The following PTPRT variants were observed in gnomAD, a reference collection of about 807,000 sequenced individuals.
PTPRT encodes protein tyrosine phosphatase receptor type T.
Under a neutral mutation model 176.8 loss-of-function variants are expected in PTPRT, and 56 were observed. The ratio of observed to expected loss-of-function variants is 0.32; its 90% CI spans 0.26 to 0.40. The LOEUF is 0.40. Among genes scored for constraint, PTPRT ranks in the 10% least tolerant of loss-of-function variants. The probability of loss-of-function intolerance (pLI) is 1.00; values close to 1 mark genes in which losing one functional copy is unlikely to be tolerated. For missense variants in PTPRT, 1,540 were observed against 1,908.2 expected, an observed-to-expected ratio of 0.81 and a Z score of 3.60; for synonymous variants, 783 against 739.0, an observed-to-expected ratio of 1.06 and a Z score of -0.96.
chr20:42,475,511 T>G (rs2145305730), intron 7 of PTPRT, among the ~76,000 whole-genome samples: 1 of 152,106 alleles, frequency 6.6e-6, no homozygotes, highest in African/African-American at 2.4e-5. Context: ...AAACCTGTGT[T>G]TTCTCAGCAC....
chr20:42,587,913 G>T (rs2073499867), intron 7 of PTPRT, among the ~76,000 whole-genome samples: 1 of 152,144 alleles, frequency 6.6e-6, no homozygotes, highest in Non-Finnish European at 1.5e-5. Flanking sequence ...CATCAAATTA[G>T]ATGCCTTCTG....
chr20:42,817,846 G>A (rs1282784975), intron 2 of PTPRT, among the ~76,000 whole-genome samples: 2 of 152,184 alleles, frequency 1.3e-5, no homozygotes, highest in African/African-American at 2.4e-5. Flanking sequence ...ACTCCAGCTA[G>A]AGGCTCAAGG....
intron 9 of PTPRT, among the ~76,000 whole-genome samples, chr20:42,447,411 G>C (rs551623658): frequency 1.3e-5 from 2 of 151,664 alleles, no homozygotes; most frequent in Non-Finnish European, 2.9e-5. Context: ...TTCCAGCTTC[G>C]GTATCCATGC....
chr20:43,169,604 ACT>A (rs2014945085), intron 1 of PTPRT, among the ~76,000 whole-genome samples: 1 of 152,130 alleles, frequency 6.6e-6, no homozygotes, highest in African/African-American at 2.4e-5. Flanking sequence ...CATGCTGTCA[ACT>A]CTCTGCACAA....
At chr20:42,982,133 A>G (rs1051366400) in intron 1 of PTPRT, among the ~76,000 whole-genome samples, 1 of 152,204 alleles carries the variant, frequency 6.6e-6, no homozygotes, top group African/African-American at 2.4e-5. Context: ...AGTTTCACGC[A>G]TTCCTGGAAG....
intron 7 of PTPRT, among the ~76,000 whole-genome samples, chr20:42,626,649 A>G (rs1201602234): frequency 6.6e-6 from 1 of 152,166 alleles, no homozygotes; most frequent in Non-Finnish European, 1.5e-5. Flanking sequence ...GTCAGAGAGG[A>G]CCTACATTCA....
rs550922991 is a variant in PTPRT, at chr20:42,407,159, C to A, written c.1560+41061G>T. On this transcript the variant is annotated intron_variant, in intron 9 of 30. Coordinates refer to ENST00000373187, the MANE Select transcript of PTPRT (RefSeq NM_007050.6). ...GATGCAATAAAATATTTTCTGGGAG[C>A]CCTAGGAATCCCTATCTCTTCCTCT... Among the ~76,000 whole-genome samples the A allele has an allele frequency of 2.9e-4, 44 of 152,016 alleles. 1 individual carries two copies. Among genetic ancestry groups the A allele is most frequent in the Non-Finnish European group, 6.2e-4 (42 of 67,958 alleles).
chr20:42,399,625 T>C lies in PTPRT; in HGVS notation c.1561-47340A>G, dbSNP rs1279531011. Among the ~76,000 whole-genome samples, 4 of 152,236 alleles carry C rather than the reference T, an allele frequency of 2.6e-5. No homozygotes were observed. In the East Asian group the frequency reaches 7.7e-4, roughly 29 times the overall value. Reference sequence around the variant, plus strand: ...TCCCAGGTAATCCAGATGCTTAACCTGGTTTTGAAATCTTTGCACTAAACA... The same window carrying C: ...TCCCAGGTAATCCAGATGCTTAACCCGGTTTTGAAATCTTTGCACTAAACA... On this transcript the variant is annotated intron_variant, in intron 9 of 30. Transcript: ENST00000373187.
chr20:42,556,401 C>A (rs1244123959), intron 7 of PTPRT, among the ~76,000 whole-genome samples: 2 of 152,142 alleles, frequency 1.3e-5, no homozygotes, highest in East Asian at 3.9e-4. Flanking sequence ...CAAATGAGAA[C>A]ACTTAGGCTG....
chr20:42,352,017 C>T (rs2145520982), intron 10 of PTPRT, 67 bp downstream of exon 10: 2 of 1,516,260 alleles, frequency 1.3e-6, no homozygotes, highest in South Asian at 2.3e-5. Flanking sequence ...AAAATTTCCA[C>T]TTCAAGGAAA....
At chr20:42,879,827 A>G (rs1431459439) in intron 2 of PTPRT, among the ~76,000 whole-genome samples, 1 of 151,820 alleles carries the variant, frequency 6.6e-6, no homozygotes, top group Non-Finnish European at 1.5e-5. Flanking sequence ...CCTCCTTCCA[A>G]TCTGGAAACT....
chr20:43,057,299 G>C, intron 1 of PTPRT, among the ~76,000 whole-genome samples: 1 of 87,752 alleles, frequency 1.1e-5, no homozygotes, highest in Admixed American at 1.2e-4. Flanking sequence ...GAGGGGAGGG[G>C]GGAAGGAATG....
At chr20:42,158,465 G>A (rs1989451107) in intron 17 of PTPRT, among the ~76,000 whole-genome samples, 1 of 152,154 alleles carries the variant, frequency 6.6e-6, no homozygotes, top group Non-Finnish European at 1.5e-5. Context: ...TCATGTGTAT[G>A]AAAACACTGA....
intron 8 of PTPRT, among the ~76,000 whole-genome samples, chr20:42,469,771 G>A (rs1484824855): frequency 6.6e-6 from 1 of 150,870 alleles, no homozygotes; most frequent in African/African-American, 2.4e-5. Flanking sequence ...CTGGAAGGGT[G>A]TAAGGGAGGG....
At chr20:43,172,226 A>G (rs891527115) in intron 1 of PTPRT, among the ~76,000 whole-genome samples, 1 of 152,252 alleles carries the variant, frequency 6.6e-6, no homozygotes, top group African/African-American at 2.4e-5. Flanking sequence ...ATACACCACC[A>G]GATCCCAGAC....
chr20:42,241,888 G>A (rs1397034823), intron 14 of PTPRT, among the ~76,000 whole-genome samples: 1 of 152,098 alleles, frequency 6.6e-6, no homozygotes, highest in Non-Finnish European at 1.5e-5. Context: ...AGCAGGTCCT[G>A]TTTTATATTT....
At chr20:42,286,006 A>C (rs2057224771) in intron 12 of PTPRT, among the ~76,000 whole-genome samples, 1 of 151,984 alleles carries the variant, frequency 6.6e-6, no homozygotes. Flanking sequence ...AAAGTAATAA[A>C]ATACCTAGAA....
At chr20:42,207,057 TC>T (rs1168313748) in intron 15 of PTPRT, among the ~76,000 whole-genome samples, 1 of 152,058 alleles carries the variant, frequency 6.6e-6, no homozygotes, top group Non-Finnish European at 1.5e-5. Flanking sequence ...GGCAGGGTAT[TC>T]CAACAGACCT....
chr20:42,699,365 C>A (rs1289662754), intron 6 of PTPRT, among the ~76,000 whole-genome samples: 1 of 152,088 alleles, frequency 6.6e-6, no homozygotes, highest in African/African-American at 2.4e-5. Flanking sequence ...TTCTAGGAGA[C>A]CAGCAGCCTC....
Sources: gnomAD v4.1 joint callset for allele counts (sites outside exome capture counted in the v4.1 genomes callset) on GRCh38, gnomAD v4.1.1 for gene constraint, MANE v1.5 for transcripts, NCBI Gene and HGNC (gene_info 2026-07-23, HGNC 2026-07-21) for gene names.